AHCTF1: variants seen among roughly 807,000 people sequenced by gnomAD.
AHCTF1 encodes the protein protein ELYS.
A neutral mutation model predicts 248.4 loss-of-function variants in AHCTF1; 24 were observed. The ratio of observed to expected loss-of-function variants is 0.10; its 90% CI spans 0.07 to 0.14. AHCTF1 has a LOEUF of 0.14. Among genes scored for constraint, AHCTF1 ranks in the 10% least tolerant of loss-of-function variants. The probability of loss-of-function intolerance (pLI) is 1.00; values close to 1 mark genes in which losing one functional copy is unlikely to be tolerated. For synonymous variants in AHCTF1, 786 were observed against 929.8 expected (o/e 0.85, Z 2.81); for missense variants, 2,206 against 2,636.2 (o/e 0.84, Z 3.57).
chr1:246,899,065 C>A (rs1264388506), intron 11 of AHCTF1, among the ~76,000 whole-genome samples: 2 of 152,046 alleles, frequency 1.3e-5, no homozygotes, highest in Admixed American at 6.6e-5. Flanking sequence ...CCCCAGCCTG[C>A]GCAACAAGAG....
chr1:246,910,644 C>G (rs1232516450), intron 4 of AHCTF1, among the ~76,000 whole-genome samples: 1 of 152,160 alleles, frequency 6.6e-6, no homozygotes, highest in Non-Finnish European at 1.5e-5. Flanking sequence ...AATTTAAAAA[C>G]TCAGACTCAT....
intron 31 of AHCTF1, among the ~76,000 whole-genome samples, chr1:246,854,159 C>T (rs558759040): frequency 3.0e-4 from 45 of 152,026 alleles, no homozygotes; most frequent in African/African-American, 9.9e-4. Flanking sequence ...ATTAGCCAGG[C>T]GTGGTGGCGG....
chr1:246,860,403 C>T (rs753693530), intron 29 of AHCTF1, among the ~76,000 whole-genome samples: 16 of 152,160 alleles, frequency 1.1e-4, no homozygotes, highest in Non-Finnish European at 1.8e-4. Context: ...CTAAATTTCA[C>T]GGCCAAATAA....
chr1:246,842,237 G>A (rs12094061), intron 35 of AHCTF1, among the ~76,000 whole-genome samples: 38,542 of 151,754 alleles, frequency 0.25, 5,036 homozygotes, highest in East Asian at 0.41. Context: ...TTTCCTTTTC[G>A]TAAAATTAAG....
At chr1:246,915,622 CATTT>C (rs1430145601) in intron 3 of AHCTF1, among the ~76,000 whole-genome samples, 1 of 152,204 alleles carries the variant, frequency 6.6e-6, no homozygotes, top group Non-Finnish European at 1.5e-5. Flanking sequence ...TAGTCTTATT[CATTT>C]GTCTTCTCCC....
intron 32 of AHCTF1, 46 bp from the exon 33 acceptor site, chr1:246,851,488 T>A: frequency 6.6e-7 from 1 of 1,505,398 alleles, no homozygotes; most frequent in Non-Finnish European, 8.9e-7. Flanking sequence ...TTTTAATACA[T>A]GTTTTAACTT....
chr1:246,844,047 G>GT, intron 33 of AHCTF1, 119 bp from the exon 34 acceptor site: 2 of 662,712 alleles, frequency 3.0e-6, no homozygotes, highest in Non-Finnish European at 4.3e-6. Flanking sequence ...CCCAAACCTG[G>GT]AAACCATTAG....
At chr1:246,921,437 A>G (rs140602750) in intron 1 of AHCTF1, among the ~76,000 whole-genome samples, 132 of 152,304 alleles carry the variant, frequency 8.7e-4, no homozygotes, top group African/African-American at 3.2e-3. Flanking sequence ...ATACTCAACA[A>G]AAACAAACTC....
chr1:246,898,067 A>C (rs1664720800), intron 12 of AHCTF1, 141 bp downstream of exon 12: 4 of 1,203,222 alleles, frequency 3.3e-6, no homozygotes, highest in Admixed American at 2.6e-5. Context: ...CAAACCTAAG[A>C]CCACAACTGC....
intron 8 of AHCTF1, 105 bp downstream of exon 8, chr1:246,902,420 A>G (rs1229155631): frequency 4.4e-6 from 6 of 1,370,044 alleles, no homozygotes; most frequent in Admixed American, 2.2e-5. Flanking sequence ...GTTAATTACT[A>G]TTCCAATTTT....
intron 8 of AHCTF1, 119 bp downstream of exon 8, chr1:246,902,406 T>G: frequency 7.9e-7 from 1 of 1,259,990 alleles, no homozygotes; most frequent in Non-Finnish European, 1.1e-6. Flanking sequence ...ACTGAATAAA[T>G]TCCGTTAATT....
Position 246,867,743 on chromosome 1 carries a change from C to A in AHCTF1, c.3157G>T (p.Val1053Phe), listed in dbSNP as rs1465785118. Reference protein sequence around the residue: ...VVTGTVLTRSVFINNVLSKIG... With the variant: ...VVTGTVLTRSFFINNVLSKIG... ...TTAGATAACACATTGTTGATGAAAACAGATCTTGTCAACACAGTTCCTGTT... is the reference window on the plus strand; with the variant it reads ...TTAGATAACACATTGTTGATGAAAAAAGATCTTGTCAACACAGTTCCTGTT... Residue 1053 changes from valine to phenylalanine, a missense_variant, in exon 25 of 36, where the codon GTT (valine) becomes TTT (phenylalanine). Val to Phe is a conservative substitution (Grantham distance 50). Coordinates refer to ENST00000648844, the MANE Select transcript of AHCTF1 (RefSeq NM_001323342.2). 7.4e-6 allele frequency: 12 copies of A among 1,612,326 alleles called. No individual in the cohort carries two copies. The highest frequency in any genetic ancestry group is 1.3e-5 in the African/African-American group (1 of 74,814).
intron 4 of AHCTF1, among the ~76,000 whole-genome samples, chr1:246,911,401 T>G (rs1192140437): frequency 3.9e-5 from 6 of 152,272 alleles, no homozygotes; most frequent in East Asian, 1.9e-4. Flanking sequence ...TCATTTAAAC[T>G]TCACATAAAA....
intron 1 of AHCTF1, among the ~76,000 whole-genome samples, chr1:246,921,015 C>A (rs899033493): frequency 1.3e-5 from 2 of 151,976 alleles, no homozygotes; most frequent in Admixed American, 1.3e-4. Context: ...TCGCTTGAAC[C>A]TGGGAGAAGG....
intron 14 of AHCTF1, 152 bp from the exon 15 acceptor site, chr1:246,892,071 C>A: frequency 2.2e-6 from 2 of 890,998 alleles, no homozygotes; most frequent in Non-Finnish European, 3.3e-6. Flanking sequence ...GCAAAACCTC[C>A]AAGGAACCTA....
At position 246,904,162 on chromosome 1, in the gene AHCTF1, T is replaced by G. The variant is rs933579931; in HGVS notation, c.882-129A>C. ...AAAACTAAAATCACTGTGAAAAATT[T>G]AGTTTTCGGTAATTTTTATAAAAAT... On this transcript the variant is annotated intron_variant, in intron 6 of 35. Coordinates refer to ENST00000648844, the MANE Select transcript of AHCTF1 (RefSeq NM_001323342.2). 6 of 665,072 alleles carry G rather than the reference T, an allele frequency of 9.0e-6. No individual in the cohort carries two copies. In the African/African-American group the frequency reaches 1.1e-4, roughly 12 times the overall value. 41.2% of individuals were successfully genotyped at this position (665,072 alleles called of 1,614,324 possible). A position where few individuals can be genotyped will look rare whatever the true frequency, so the allele number is the denominator to read the frequency against.
chr1:246,860,258 A>C (rs1291289461), intron 29 of AHCTF1, among the ~76,000 whole-genome samples: 2 of 151,994 alleles, frequency 1.3e-5, no homozygotes, highest in Non-Finnish European at 2.9e-5. Flanking sequence ...ACAGAGTGAG[A>C]CTCTGTCTCA....
At chr1:246,869,123 G>C (rs139003299) in intron 24 of AHCTF1, among the ~76,000 whole-genome samples, 16 of 152,084 alleles carry the variant, frequency 1.1e-4, no homozygotes, top group African/African-American at 1.2e-4. Flanking sequence ...GATTACAGGC[G>C]TGAGCCACCA....
rs112595233 is a variant in AHCTF1, at chr1:246,885,341, T to TTTG, written c.2660+151_2660+152insCAA. ...GGTTTTACATCCCATGAACACTGTA[T>TTTG]TTTCAATCTGAATTTGATGCAGAAC... On this transcript the variant is annotated intron_variant, in intron 21 of 35. Coordinates refer to ENST00000648844, the MANE Select transcript of AHCTF1 (RefSeq NM_001323342.2). The TTTG allele has an allele frequency of 9.0e-3, 5,472 of 605,358 alleles. 233 individuals are homozygous for TTTG. In the African/African-American group the frequency reaches 0.093, roughly 10 times the overall value. The allele number at this position is 605,358 out of a possible 1,614,324, so 37.5% of individuals were successfully genotyped here.
Sources: allele counts gnomAD v4.1 joint callset (sites outside exome capture counted in the v4.1 genomes callset), GRCh38; gene constraint gnomAD v4.1.1; transcripts MANE v1.5; gene names NCBI Gene and HGNC (gene_info 2026-07-23, HGNC 2026-07-21).